Variants in HDLBP observed in about 807,000 individuals in gnomAD.
HDLBP encodes the protein vigilin.
Under a neutral mutation model 137.3 loss-of-function variants are expected in HDLBP, and 30 were observed. The observed-to-expected ratio is 0.22, with a 90% confidence interval of 0.16 to 0.30. The LOEUF is 0.30. Among genes scored for constraint, HDLBP ranks in the 10% least tolerant of loss-of-function variants. HDLBP has a pLI of 1.00. For synonymous variants in HDLBP, 606 were observed against 596.0 expected (o/e 1.02, Z -0.24); for missense variants, 1,119 against 1,667.3 (o/e 0.67, Z 5.73).
rs1426076682 is a variant in HDLBP at position 241,242,609 on chromosome 2, G to A, written c.2020C>T (p.Arg674Cys). The A allele has an allele frequency of 2.5e-6, 4 of 1,614,064 alleles. No individual in the cohort carries two copies. The highest frequency in any genetic ancestry group is 1.7e-5 in the Admixed American group (1 of 59,998). Residue 674 changes from arginine to cysteine, a missense_variant, in exon 17 of 28, where the codon CGT becomes TGT. Physicochemically the swap from Arg to Cys is radical, Grantham distance 180. This residue lies in a region of HDLBP where 618 missense variants were observed against 816.7 expected (regional missense o/e 0.76). Transcript: ENST00000310931. ...TCCTCCATGATGGAGCGGATCAGAC[G>A]GCCCTTGGTGCCAATGAGGGAGTTG... Reference protein sequence around the residue: ...LHNSLIGTKGRLIRSIMEECG... With the variant: ...LHNSLIGTKGCLIRSIMEECG...
intron 1 of HDLBP, among the ~76,000 whole-genome samples, chr2:241,301,231 C>T (rs1006624091): frequency 2.0e-5 from 3 of 151,482 alleles, no homozygotes; most frequent in African/African-American, 7.3e-5. Flanking sequence ...TCGTGATCTG[C>T]CCACCTAGGC....
rs1439509990 is a variant in HDLBP, at chr2:241,248,333, T to C, written c.1528A>G (p.Lys510Glu). The C allele has an allele frequency of 6.2e-7, 1 of 1,613,034 alleles. No individual in the cohort carries two copies. The highest frequency in any genetic ancestry group is 2.2e-5 in the East Asian group (1 of 44,886). ...AATCTTTGCTCAATGATTAGATCCT[T>C]GGTACGCTCATTTTCCTAAAAATAC... is the stretch of plus-strand genomic sequence containing the variant. ...LASRMENERT[K>E]DLIIEQRFHR... Residue 510 changes from lysine (K) to glutamate (E), a missense_variant, in exon 13 of 28, where the codon AAG (lysine) becomes GAG (glutamate). Physicochemically the swap from Lys to Glu is moderately conservative, Grantham distance 56. This residue lies in a region of HDLBP where 425 missense variants were observed against 693.9 expected (regional missense o/e 0.61). Coordinates refer to ENST00000310931, the MANE Select transcript of HDLBP (RefSeq NM_005336.6).
At position 241,230,380 on chromosome 2, in the gene HDLBP, C is replaced by T. The variant is rs1218290763; in HGVS notation, c.3475-111G>A. ...TCTGAGTTAGCAAACGTTTTAAAAT[C>T]TGGTTTCAGAGTTGTTCTGAAGTCA... is the stretch of plus-strand genomic sequence containing the variant. On this transcript the variant is annotated intron_variant, in intron 25 of 27. Transcript: ENST00000310931. The surrounding 1 kb of genome is among the most constrained non-coding windows in gnomAD (Gnocchi z 5.0). 9 of 746,042 alleles carry T rather than the reference C, an allele frequency of 1.2e-5. No individual in the cohort carries two copies. Among genetic ancestry groups the T allele is most frequent in the Non-Finnish European group, 2.0e-5 (9 of 449,000 alleles). 46.2% of individuals were successfully genotyped at this position (746,042 alleles called of 1,614,324 possible).
At chr2:241,246,562 A>G (rs1169883178) in intron 16 of HDLBP, 190 bp downstream of exon 16, 1 of 591,458 alleles carries the variant, frequency 1.7e-6, no homozygotes, top group Non-Finnish European at 3.0e-6. Context: ...GGGTCCAGGT[A>G]AGTAAGTATC....
At chr2:241,259,293 G>C (rs936295700) in intron 5 of HDLBP, among the ~76,000 whole-genome samples, 2 of 152,190 alleles carry the variant, frequency 1.3e-5, no homozygotes, top group Non-Finnish European at 2.9e-5. Context: ...AGGAATGGCC[G>C]CCTGCAAAGG....
chr2:241,262,616 TA>T, intron 5 of HDLBP, 94 bp downstream of exon 5: 8 of 897,602 alleles, frequency 8.9e-6, no homozygotes, highest in Non-Finnish European at 1.3e-5. Context: ...GTCCCACTGG[TA>T]GGAAGGGTCC....
intron 2 of HDLBP, chr2:241,267,654 C>G (rs1319520038): frequency 1.3e-6 from 2 of 1,535,592 alleles, no homozygotes; most frequent in Non-Finnish European, 1.7e-6. Flanking sequence ...TGCATCCAGG[C>G]CCCAAACTAA....
chr2:241,266,765 C>T (rs776026477), intron 3 of HDLBP, 29 bp downstream of exon 3: 3 of 1,365,412 alleles, frequency 2.2e-6, no homozygotes, highest in Admixed American at 1.7e-5. Context: ...TTAGACATTA[C>T]CAGGAAGAGC....
chr2:241,267,505 A>G, intron 2 of HDLBP: 1 of 1,411,138 alleles, frequency 7.1e-7, no homozygotes, highest in Non-Finnish European at 9.7e-7. Flanking sequence ...CCCAGGCTCC[A>G]GGCATAGATC....
At chr2:241,289,834 A>C (rs186422272) in intron 1 of HDLBP, among the ~76,000 whole-genome samples, 1 of 152,296 alleles carries the variant, frequency 6.6e-6, no homozygotes, top group African/African-American at 2.4e-5. Context: ...TTAGGCATCA[A>C]CGTGGGGTGA....
intron 23 of HDLBP, among the ~76,000 whole-genome samples, chr2:241,234,381 C>CTT (rs2070150891): frequency 6.6e-6 from 1 of 152,222 alleles, no homozygotes; most frequent in South Asian, 2.1e-4. Context: ...GCCACAGCCC[C>CTT]TGAACACCCA....
At chr2:241,235,742 A>T (rs1029955589) in intron 21 of HDLBP, 148 bp from the exon 22 acceptor site, 9 of 598,350 alleles carry the variant, frequency 1.5e-5, no homozygotes, top group Admixed American at 6.0e-5. Context: ...AGGACCTTTA[A>T]CTCAATAGAA....
At chr2:241,236,945 C>G (rs1324823470) in intron 20 of HDLBP, among the ~76,000 whole-genome samples, 176 bp from the exon 21 acceptor site, 1 of 149,158 alleles carries the variant, frequency 6.7e-6, no homozygotes, top group Non-Finnish European at 1.5e-5. Flanking sequence ...TAGGACGTCC[C>G]CACAGCAGCC....
At chr2:241,279,958 T>C in intron 1 of HDLBP, 1 of 985,406 alleles carries the variant, frequency 1.0e-6, no homozygotes, top group Non-Finnish European at 1.2e-6. Context: ...AGGAACCCGC[T>C]GCAGTGGAGC....
intron 11 of HDLBP, chr2:241,251,030 C>T (rs2072103273): frequency 6.6e-6 from 1 of 152,102 alleles, no homozygotes; most frequent in Non-Finnish European, 1.5e-5. Flanking sequence ...TGCAGTGGCA[C>T]GATACAATCA....
intron 1 of HDLBP, among the ~76,000 whole-genome samples, chr2:241,307,258 A>T (rs551698987): frequency 1.3e-5 from 2 of 152,328 alleles, no homozygotes; most frequent in East Asian, 3.9e-4. Flanking sequence ...GGCAAGCCCT[A>T]GAGTGGATCT....
chr2:241,302,390 T>C (rs542783944), intron 1 of HDLBP, among the ~76,000 whole-genome samples: 16 of 147,564 alleles, frequency 1.1e-4, no homozygotes, highest in Non-Finnish European at 1.4e-4. Context: ...AACCTCCATT[T>C]TGACAAAAAA....
At chr2:241,300,648 A>G (rs1011846180) in intron 1 of HDLBP, among the ~76,000 whole-genome samples, 1 of 152,228 alleles carries the variant, frequency 6.6e-6, no homozygotes, top group Non-Finnish European at 1.5e-5. Flanking sequence ...TAAATACTAT[A>G]CAAGGTAACT....
intron 1 of HDLBP, among the ~76,000 whole-genome samples, chr2:241,285,296 T>C (rs1278553999): frequency 1.3e-5 from 2 of 152,280 alleles, no homozygotes; most frequent in Admixed American, 1.3e-4. Context: ...TGTCAGGCTT[T>C]CTTGTGGTGG....
Sources: allele counts gnomAD v4.1 joint callset (sites outside exome capture counted in the v4.1 genomes callset), GRCh38; gene constraint gnomAD v4.1.1; regional missense constraint gnomAD v4.1.1; non-coding constraint Gnocchi (gnomAD v3.1); transcripts MANE v1.5; gene names NCBI Gene and HGNC (gene_info 2026-07-23, HGNC 2026-07-21).